The following TTLL7 variants were observed in gnomAD, a reference collection of about 807,000 sequenced individuals.
TTLL7 encodes tubulin polyglutamylase TTLL7.
Under a neutral mutation model 120.2 loss-of-function variants are expected in TTLL7, and 53 were observed. The ratio of observed to expected loss-of-function variants is 0.44; its 90% CI spans 0.35 to 0.55. The LOEUF (loss-of-function observed/expected upper bound fraction) is 0.55, where lower values mean the gene tolerates loss of function less well. TTLL7 is among the 20% of genes least tolerant of loss of function. The pLI is 0.00. For missense variants in TTLL7, 803 were observed against 1,054.7 expected (o/e 0.76, Z 3.31); for synonymous variants, 353 against 351.7 (o/e 1.00, Z -0.04).
chr1:83,954,859 T>C (rs1472469318), intron 1 of TTLL7, among the ~76,000 whole-genome samples: 1 of 146,042 alleles, frequency 6.8e-6, no homozygotes, highest in African/African-American at 2.6e-5. Context: ...TTTTCCTATC[T>C]AGTTCAAAAA....
At chr1:83,939,483 A>G (rs1278937154) in intron 7 of TTLL7, among the ~76,000 whole-genome samples, 1 of 152,204 alleles carries the variant, frequency 6.6e-6, no homozygotes, top group Non-Finnish European at 1.5e-5. Context: ...CCACAACTTC[A>G]CATTTACCTT....
At position 83,869,456 on chromosome 1, in the gene TTLL7, T is replaced by A. The variant is rs1653150509; in HGVS notation, c.*506A>T. ...ACCCGTTTTAAACTTCTTAATCTTA[T>A]CATCAAGCAACACCAGGCTTCTAAA... On this transcript the variant is annotated 3_prime_UTR_variant, in exon 21 of 21. Transcript: ENST00000260505. 1 of 152,484 alleles carries A rather than the reference T, an allele frequency of 6.6e-6. No individual in the cohort carries two copies. Among genetic ancestry groups the A allele is most frequent in the Non-Finnish European group, 1.5e-5 (1 of 68,266 alleles). 9.4% of individuals were successfully genotyped at this position (152,484 alleles called of 1,614,324 possible).
intron 1 of TTLL7, among the ~76,000 whole-genome samples, chr1:83,983,182 C>T (rs1553149418): frequency 1.3e-5 from 2 of 151,906 alleles, no homozygotes; most frequent in East Asian, 1.9e-4. Flanking sequence ...AAATACAAAA[C>T]GTAACTGGGC....
At chr1:83,977,245 G>A (rs1195910419) in intron 1 of TTLL7, among the ~76,000 whole-genome samples, 2 of 151,806 alleles carry the variant, frequency 1.3e-5, no homozygotes, top group Non-Finnish European at 2.9e-5. Context: ...AATTTACTTA[G>A]CATTAGAAGA....
At chr1:83,968,434 A>G (rs1003639521) in intron 1 of TTLL7, among the ~76,000 whole-genome samples, 5 of 152,070 alleles carry the variant, frequency 3.3e-5, no homozygotes, top group African/African-American at 7.2e-5. Context: ...GAGTAGACAC[A>G]TTACTTTGGC....
At chr1:83,961,205 G>A (rs1274062032) in intron 1 of TTLL7, among the ~76,000 whole-genome samples, 1 of 152,000 alleles carries the variant, frequency 6.6e-6, no homozygotes, top group Non-Finnish European at 1.5e-5. Flanking sequence ...CCATATCAGG[G>A]AAATATAGTT....
At chr1:83,992,649 A>AT (rs1307866824) in intron 1 of TTLL7, among the ~76,000 whole-genome samples, 1 of 152,160 alleles carries the variant, frequency 6.6e-6, no homozygotes, top group African/African-American at 2.4e-5. Flanking sequence ...GGTGGAAATA[A>AT]TATCTGCTAA....
rs1425026320 is a variant in TTLL7 at position 83,866,920 on chromosome 1, T to C, written c.*3042A>G. The C allele has an allele frequency of 1.3e-5, 2 of 151,958 alleles. No homozygotes were observed. The highest frequency in any genetic ancestry group is 3.2e-3 in the Middle Eastern group (1 of 316). The allele number at this position is 151,958 out of a possible 1,614,324, so 9.4% of individuals were successfully genotyped here. A position where few individuals can be genotyped will look rare whatever the true frequency, so the allele number is the denominator to read the frequency against. On this transcript the variant is annotated 3_prime_UTR_variant, in exon 21 of 21. Coordinates refer to ENST00000260505, the MANE Select transcript of TTLL7 (RefSeq NM_024686.6). ...GATTTAAAATAAAAAAGGTTGTTTC[T>C]TAGACATTTCTAGAAATTATTCAAA...
At chr1:83,892,693 A>AAC (rs1413532722) in intron 18 of TTLL7, among the ~76,000 whole-genome samples, 126 of 148,644 alleles carry the variant, frequency 8.5e-4, no homozygotes, top group Admixed American at 1.1e-3. Context: ...CATATATATG[A>AAC]ACATATATAT....
intron 1 of TTLL7, among the ~76,000 whole-genome samples, chr1:83,995,853 T>G (rs1331155545): frequency 2.0e-5 from 3 of 152,232 alleles, no homozygotes; most frequent in Admixed American, 2.0e-4. Flanking sequence ...TTTATTATGA[T>G]GTCATCAATA....
chr1:83,907,625 A>G lies in TTLL7; in HGVS notation c.1823T>C (p.Ile608Thr). 6.2e-7 allele frequency: 1 copy of G among 1,613,160 alleles called. No homozygotes were observed. Among genetic ancestry groups the G allele is most frequent in the South Asian group, 1.1e-5 (1 of 91,060 alleles). Residue 608 changes from isoleucine to threonine, a missense_variant, in exon 16 of 21, where the codon ATC (isoleucine) becomes ACC (threonine). Physicochemically the swap from Ile to Thr is moderately conservative, Grantham distance 89. Around this residue, in one of 3 missense-constraint regions of TTLL7, gnomAD observed 388 missense variants for 450.4 expected, o/e 0.86. Coordinates refer to ENST00000260505, the MANE Select transcript of TTLL7 (RefSeq NM_024686.6). ...IRRSVSCPRS[I>T]SAQSPSSGDT... Reference sequence around the variant, plus strand: ...CCCACTGGAAGGTGATTGAGCAGAGATGGACCGAGGGCAGCTGACTGAACG... The same window carrying G: ...CCCACTGGAAGGTGATTGAGCAGAGGTGGACCGAGGGCAGCTGACTGAACG...
chr1:83,948,799 A>G (rs940077801), intron 4 of TTLL7, 104 bp from the exon 5 acceptor site: 6 of 715,258 alleles, frequency 8.4e-6, no homozygotes, highest in Non-Finnish European at 1.4e-5. Flanking sequence ...GTTTTAATAA[A>G]CTGCCAATTA....
chr1:83,900,990 A>G (rs1347773433), intron 18 of TTLL7, among the ~76,000 whole-genome samples: 1 of 152,034 alleles, frequency 6.6e-6, no homozygotes, highest in Non-Finnish European at 1.5e-5. Flanking sequence ...TCTGAAATCC[A>G]TAAGTTGTCT....
At chr1:83,991,208 T>TG (rs1652970912) in intron 1 of TTLL7, among the ~76,000 whole-genome samples, 1 of 151,304 alleles carries the variant, frequency 6.6e-6, no homozygotes, top group Non-Finnish European at 1.5e-5. Context: ...TAGGGGGAGG[T>TG]GGGTGAAAAG....
Position 83,866,609 on chromosome 1 carries a change from T to C in TTLL7, c.*3353A>G, listed in dbSNP as rs1054010327. On this transcript the variant is annotated 3_prime_UTR_variant, in exon 21 of 21. Transcript: ENST00000260505. The stretch of plus-strand genomic sequence containing the variant: ...AAATAATTTTGACCTATGATAAAAT[T>C]TGTATAGATCTTTGCATCTTACCGA... 1 of 151,920 alleles carries C rather than the reference T, an allele frequency of 6.6e-6. No individual in the cohort carries two copies. The highest frequency in any genetic ancestry group is 2.4e-5 in the African/African-American group (1 of 41,430). The allele number at this position is 151,920 out of a possible 1,614,324, so 9.4% of individuals were successfully genotyped here. A position where few individuals can be genotyped will look rare whatever the true frequency, so the allele number is the denominator to read the frequency against.
At position 83,867,153 on chromosome 1, in the gene TTLL7, T is replaced by C. The variant is rs1220139218; in HGVS notation, c.*2809A>G. 6.6e-6 allele frequency: 1 copy of C among 151,988 alleles called. No individual in the cohort carries two copies. The highest frequency in any genetic ancestry group is 1.5e-5 in the Non-Finnish European group (1 of 67,902). 9.4% of individuals were successfully genotyped at this position (151,988 alleles called of 1,614,324 possible). A position where few individuals can be genotyped will look rare whatever the true frequency, so the allele number is the denominator to read the frequency against. ...AGGGAGTCACACCTGTACAATCACTTATGCTTATATGTTTTAACCTATGAA... is the reference window on the plus strand; with the variant it reads ...AGGGAGTCACACCTGTACAATCACTCATGCTTATATGTTTTAACCTATGAA... On this transcript the variant is annotated 3_prime_UTR_variant, in exon 21 of 21. Coordinates refer to ENST00000260505, the MANE Select transcript of TTLL7 (RefSeq NM_024686.6).
chr1:83,991,254 C>G (rs537318056), intron 1 of TTLL7, among the ~76,000 whole-genome samples: 2 of 152,180 alleles, frequency 1.3e-5, no homozygotes, highest in East Asian at 3.9e-4. Context: ...TTGAGGTTTA[C>G]CAGATGAAAA....
chr1:83,957,048 G>A (rs952806438), intron 1 of TTLL7, among the ~76,000 whole-genome samples: 13 of 152,042 alleles, frequency 8.6e-5, no homozygotes, highest in African/African-American at 3.1e-4. Flanking sequence ...GTATAATATG[G>A]TAGAAAGAGC....
At chr1:83,881,002 A>G (rs1373832572) in intron 20 of TTLL7, among the ~76,000 whole-genome samples, 1 of 152,150 alleles carries the variant, frequency 6.6e-6, no homozygotes, top group African/African-American at 2.4e-5. Flanking sequence ...AGGATTCCCT[A>G]TTTAATAAAT....
Sources: allele counts gnomAD v4.1 joint callset (sites outside exome capture counted in the v4.1 genomes callset), GRCh38; gene constraint gnomAD v4.1.1; regional missense constraint gnomAD v4.1.1; transcripts MANE v1.5; gene names NCBI Gene and HGNC (gene_info 2026-07-23, HGNC 2026-07-21).